SCN9A: variants seen among roughly 807,000 people sequenced by gnomAD.
The protein encoded by SCN9A is sodium voltage-gated channel alpha subunit 9, also known as sodium channel protein type 9 subunit alpha.
Under a neutral mutation model 187.0 loss-of-function variants are expected in SCN9A, and 131 were observed. That is an observed-to-expected ratio of 0.70 (90% confidence interval 0.61 to 0.81). The LOEUF (loss-of-function observed/expected upper bound fraction) is 0.81, where lower values mean the gene tolerates loss of function less well. Among genes scored for constraint, SCN9A ranks in the 30% least tolerant of loss-of-function variants. The pLI is 0.00. For synonymous variants in SCN9A, 809 were observed against 808.6 expected (o/e 1.00, Z -0.01); for missense variants, 2,252 against 2,396.6 (o/e 0.94, Z 1.26).
intron 24 of SCN9A, among the ~76,000 whole-genome samples, chr2:166,206,534 G>A (rs943326667): frequency 6.6e-6 from 1 of 152,078 alleles, no homozygotes; most frequent in Non-Finnish European, 1.5e-5. Flanking sequence ...AGCTTTGGGA[G>A]GGATTACTTA....
At chr2:166,252,574 T>C (rs1016746308) in intron 17 of SCN9A, among the ~76,000 whole-genome samples, 1 of 151,842 alleles carries the variant, frequency 6.6e-6, no homozygotes. Flanking sequence ...TCAAACAGTA[T>C]TATTTATAAT....
Position 166,272,434 on chromosome 2 carries a change from G to A in SCN9A, c.3316C>T (p.Leu1106Phe). The change falls in exon 17 of 27, where the codon CTT (leucine) becomes TTT (phenylalanine). Residue 1106 changes from leucine to phenylalanine, a missense_variant. Coordinates refer to ENST00000642356, the MANE Select transcript of SCN9A (RefSeq NM_001365536.1). ...TATTCACTATCCGAATCACTGCTAA[G>A]TTCCTCAGCATTCATATTTTCCAAA... Reference protein sequence around the residue: ...SDLENMNAEELSSDSDSEYSK... With the variant: ...SDLENMNAEEFSSDSDSEYSK... 6.2e-7 allele frequency: 1 copy of A among 1,607,340 alleles called. No homozygotes were observed. The highest frequency in any genetic ancestry group is 8.5e-7 in the Non-Finnish European group (1 of 1,175,908).
intron 1 of SCN9A, among the ~76,000 whole-genome samples, chr2:166,332,975 A>G (rs528481236): frequency 2.3e-3 from 346 of 151,362 alleles, no homozygotes; most frequent in African/African-American, 7.6e-3. Flanking sequence ...TATTTCAAAA[A>G]TATTTTTGTC....
intron 17 of SCN9A, among the ~76,000 whole-genome samples, chr2:166,262,519 T>A (rs918189674): frequency 5.3e-5 from 8 of 151,910 alleles, no homozygotes; most frequent in Non-Finnish European, 1.2e-4. Flanking sequence ...TCCCAATGAA[T>A]CAGCAAATGT....
In SCN9A at chr2:166,311,592, A is replaced by G; in HGVS notation, c.165T>C (p.Ala55=). Residue 55 remains alanine (A), a synonymous_variant, in exon 2 of 27, where the codon GCT becomes GCC. Transcript: ENST00000642356. The part of the protein sequence containing the change: ...EAPKPSSDLE[A]GKQLPFIYGD... ...CATAGATGAAGGGCAGCTGTTTGCC[A>G]GCTTCCAAGTCACTGCTTGGCTTTG... is the stretch of plus-strand genomic sequence containing the variant. 1 of 1,613,288 alleles carries G rather than the reference A, an allele frequency of 6.2e-7. No individual in the cohort carries two copies. The highest frequency in any genetic ancestry group is 1.1e-5 in the South Asian group (1 of 91,032).
intron 12 of SCN9A, among the ~76,000 whole-genome samples, chr2:166,282,443 C>CCATGCAAAAACATGAACT (rs1697531458): frequency 1.3e-5 from 2 of 152,044 alleles, no homozygotes; most frequent in Admixed American, 6.6e-5. Context: ...GAAATTGTTG[C>CCATGCAAAAACATGAACT]CATGCAAAAA....
intron 1 of SCN9A, among the ~76,000 whole-genome samples, chr2:166,346,066 C>G (rs1699893723): frequency 6.6e-6 from 1 of 152,130 alleles, no homozygotes; most frequent in Non-Finnish European, 1.5e-5. Context: ...GTCTCATTCT[C>G]CTGCTCCTCT....
rs9646771 is a variant in SCN9A at position 166,306,533 on chromosome 2, T to A, written c.444A>T (p.Pro148=). 2 of 1,573,190 alleles carry A rather than the reference T, an allele frequency of 1.3e-6. No homozygotes were observed. Among genetic ancestry groups the A allele is most frequent in the Non-Finnish European group, 1.7e-6 (2 of 1,154,896 alleles). The change falls in exon 4 of 27, where the codon CCA becomes CCT. Residue 148 remains proline (P), a synonymous_variant. Coordinates refer to ENST00000642356, the MANE Select transcript of SCN9A (RefSeq NM_001365536.1). ...TNCIFMTMNN[P]PDWTKNVEYT... is the part of the protein sequence containing the mutation. Reference sequence around the variant, plus strand: ...ACTCGACATTTTTGGTCCAGTCCGGTGGGTTATTCATGGTCATAAATATGC... The same window carrying A: ...ACTCGACATTTTTGGTCCAGTCCGGAGGGTTATTCATGGTCATAAATATGC...
chr2:166,210,519 C>CA (rs34448541), intron 24 of SCN9A, among the ~76,000 whole-genome samples: 57,475 of 96,106 alleles, frequency 0.6, 16,889 homozygotes, highest in Middle Eastern at 0.74. Flanking sequence ...AGATGGACAC[C>CA]AAAAAAAAAA....
At chr2:166,299,666 T>A (rs936000178) in intron 7 of SCN9A, among the ~76,000 whole-genome samples, 6 of 150,826 alleles carry the variant, frequency 4.0e-5, no homozygotes, top group Non-Finnish European at 1.5e-5. Flanking sequence ...CTTAAAAATA[T>A]CAGGGATGTT....
intron 24 of SCN9A, among the ~76,000 whole-genome samples, chr2:166,210,815 T>C (rs1694056298): frequency 6.6e-6 from 1 of 152,100 alleles, no homozygotes; most frequent in Non-Finnish European, 1.5e-5. Flanking sequence ...TCCCAGCACT[T>C]TGAGGGGCTG....
intron 1 of SCN9A, among the ~76,000 whole-genome samples, chr2:166,315,323 T>C (rs1376250947): frequency 6.6e-6 from 1 of 152,188 alleles, no homozygotes; most frequent in African/African-American, 2.4e-5. Context: ...TGTTGTGAAC[T>C]CAGATGTCCA....
intron 20 of SCN9A, among the ~76,000 whole-genome samples, chr2:166,236,008 G>A (rs1340651752): frequency 6.6e-6 from 1 of 151,828 alleles, no homozygotes. Flanking sequence ...ATGAAAATGA[G>A]TGTATTTGTG....
intron 1 of SCN9A, among the ~76,000 whole-genome samples, chr2:166,371,855 T>C (rs930682410): frequency 6.6e-6 from 1 of 152,148 alleles, no homozygotes; most frequent in Non-Finnish European, 1.5e-5. Context: ...AAATCCCTGC[T>C]CACAATTAGT....
At position 166,204,223 on chromosome 2, in the gene SCN9A, G is replaced by A. The variant is rs1693682418; in HGVS notation, c.4506C>T (p.Asn1502=). The A allele has an allele frequency of 1.2e-6, 2 of 1,607,760 alleles. No individual in the cohort carries two copies. The highest frequency in any genetic ancestry group is 4.5e-5 in the East Asian group (2 of 44,734). ...KPQKPIPRPG[N]KIQGCIFDLV... is the part of the protein sequence containing the mutation. The stretch of plus-strand genomic sequence containing the variant: ...GGTCAAATATACATCCTTGGATTTT[G>A]TTCTGCAAAGAAATAAGAATAATAT... The change falls in exon 26 of 27, where the codon AAC becomes AAT. Residue 1502 remains asparagine (N), a splice_region_variant and synonymous_variant. Coordinates refer to ENST00000642356, the MANE Select transcript of SCN9A (RefSeq NM_001365536.1).
At chr2:166,328,936 T>C (rs1222655395) in intron 1 of SCN9A, among the ~76,000 whole-genome samples, 4 of 152,154 alleles carry the variant, frequency 2.6e-5, no homozygotes, top group South Asian at 4.1e-4. Context: ...GGTAAAGTAA[T>C]TGCTCTCAGG....
intron 1 of SCN9A, among the ~76,000 whole-genome samples, chr2:166,368,825 T>C (rs1356321985): frequency 6.6e-6 from 1 of 151,442 alleles, no homozygotes; most frequent in African/African-American, 2.4e-5. Context: ...CTATCTCTAC[T>C]AAAAATACAA....
chr2:166,222,972 A>AAC (rs1694683935), intron 24 of SCN9A, among the ~76,000 whole-genome samples: 1 of 133,344 alleles, frequency 7.5e-6, no homozygotes, highest in Admixed American at 7.4e-5. Context: ...AAAAAAAAAA[A>AAC]CAGCAACAAA....
chr2:166,305,954 G>GA (rs1698741841), intron 4 of SCN9A, 34 bp from the exon 5 acceptor site: 1 of 1,607,518 alleles, frequency 6.2e-7, no homozygotes, highest in Non-Finnish European at 8.5e-7. Flanking sequence ...TACTAGATGT[G>GA]AAAAGAATAC....
Sources: gnomAD v4.1 joint callset for allele counts (sites outside exome capture counted in the v4.1 genomes callset) on GRCh38, gnomAD v4.1.1 for gene constraint, MANE v1.5 for transcripts, NCBI Gene and HGNC (gene_info 2026-07-23, HGNC 2026-07-21) for gene names.